TEX2: variants seen among roughly 807,000 people sequenced by gnomAD.
The protein encoded by TEX2 is testis expressed 2, also known as testis-expressed protein 2.
Under a neutral mutation model 106.9 loss-of-function variants are expected in TEX2, and 53 were observed. The ratio of observed to expected loss-of-function variants is 0.50; its 90% CI spans 0.40 to 0.62. The LOEUF (loss-of-function observed/expected upper bound fraction) is 0.62. Ranked by LOEUF, TEX2 falls within the 20% of genes least tolerant of loss-of-function variation. The pLI, the probability that TEX2 is intolerant of heterozygous loss-of-function variation, is 0.00. For synonymous variants in TEX2, 523 were observed against 534.8 expected, an observed-to-expected ratio of 0.98 and a Z score of 0.30; for missense variants, 1,207 against 1,379.0, an observed-to-expected ratio of 0.88 and a Z score of 1.98.
In TEX2 at chr17:64,149,011, G is replaced by A. The variant is rs1298913055; in HGVS notation, c.3342C>T (p.Cys1114=). Residue 1114 remains cysteine (C), a synonymous_variant, in exon 12 of 12, where the codon TGC becomes TGT. Transcript: ENST00000584379. ...HSAMDPRSTS[C]LLKDPPVEAA... is the part of the protein sequence containing the mutation. Reference sequence around the variant, plus strand: ...CCTCCACAGGTGGGTCTTTCAGGAGGCAGGAAGTAGAGCGAGGGTCCATGG... The same window carrying A: ...CCTCCACAGGTGGGTCTTTCAGGAGACAGGAAGTAGAGCGAGGGTCCATGG... The A allele has an allele frequency of 1.2e-6, 2 of 1,614,106 alleles. No homozygotes were observed. The highest frequency in any genetic ancestry group is 2.7e-5 in the African/African-American group (2 of 74,942).
intron 7 of TEX2, among the ~76,000 whole-genome samples, chr17:64,163,555 T>C (rs909545537): frequency 2.0e-5 from 3 of 152,170 alleles, no homozygotes; most frequent in Admixed American, 2.0e-4. Context: ...ATTTTAGCAT[T>C]AAGTGTAGGA....
intron 5 of TEX2, 130 bp downstream of exon 5, chr17:64,188,038 G>T: frequency 9.6e-7 from 1 of 1,043,790 alleles, no homozygotes; most frequent in Non-Finnish European, 1.4e-6. Flanking sequence ...TTCCCCAAAG[G>T]CAGGGTCCTT....
rs537389866 is a variant in TEX2, at chr17:64,182,202, A to G, written c.2425-4731T>C. Among the ~76,000 whole-genome samples, 7 of 152,332 alleles carry G rather than the reference A, an allele frequency of 4.6e-5. No individual in the cohort carries two copies. The South Asian group carries it at 1.5e-3, about 32-fold the overall frequency. On this transcript the variant is annotated intron_variant, in intron 5 of 11. Transcript: ENST00000584379. Reference sequence around the variant, plus strand: ...CACATGGATGAATCTTGAGGTCATTAGGCTAAGTGAAATAAGTCAGTCACA... The same window carrying G: ...CACATGGATGAATCTTGAGGTCATTGGGCTAAGTGAAATAAGTCAGTCACA...
At position 64,212,539 on chromosome 17, in the gene TEX2, T is replaced by A. The variant is rs113946289; in HGVS notation, c.1644+35A>T. On this transcript the variant is annotated intron_variant, in intron 2 of 11. Transcript: ENST00000584379. ...CTAAAATACGGCTGTATGTGAGAAGTGTGTGTACTAGCCAGCTCCCGGGGA... is the reference window on the plus strand; with the variant it reads ...CTAAAATACGGCTGTATGTGAGAAGAGTGTGTACTAGCCAGCTCCCGGGGA... 24 of 1,547,618 alleles carry A rather than the reference T, an allele frequency of 1.6e-5. No homozygotes were observed. In the African/African-American group the frequency reaches 2.7e-4, roughly 18 times the overall value.
intron 6 of TEX2, among the ~76,000 whole-genome samples, chr17:64,174,608 C>T (rs1432150521): frequency 6.6e-6 from 1 of 152,172 alleles, no homozygotes; most frequent in Admixed American, 6.5e-5. Flanking sequence ...CACAGTGAGA[C>T]AGAAATCCAG....
intron 2 of TEX2, among the ~76,000 whole-genome samples, chr17:64,196,982 A>AGTTTTTTTTTT (rs2032491461): frequency 1.6e-5 from 1 of 63,568 alleles, no homozygotes; most frequent in Non-Finnish European, 2.9e-5. Flanking sequence ...TCAAATCAAG[A>AGTTTTTTTTTT]TTTTTTTTTT....
At chr17:64,167,991 G>A (rs575327191) in intron 7 of TEX2, among the ~76,000 whole-genome samples, 1 of 152,138 alleles carries the variant, frequency 6.6e-6, no homozygotes, top group Admixed American at 6.6e-5. Context: ...AACCAGTTGT[G>A]GCCAAAATAT....
At chr17:64,246,258 C>CT (rs781989190) in intron 1 of TEX2, among the ~76,000 whole-genome samples, 1 of 152,076 alleles carries the variant, frequency 6.6e-6, no homozygotes, top group African/African-American at 2.4e-5. Context: ...CAGTGTTGTC[C>CT]TTTTTTTGAC....
intron 7 of TEX2, among the ~76,000 whole-genome samples, chr17:64,163,187 C>T (rs992574781): frequency 1.3e-5 from 2 of 152,160 alleles, no homozygotes; most frequent in Non-Finnish European, 2.9e-5. Flanking sequence ...CCACCTGGTA[C>T]GATCTTGGCT....
chr17:64,233,589 A>T (rs1306690155), intron 1 of TEX2, among the ~76,000 whole-genome samples: 4 of 152,204 alleles, frequency 2.6e-5, no homozygotes, highest in African/African-American at 7.2e-5. Flanking sequence ...CAAACAAACA[A>T]ACAAAAACAC....
At chr17:64,197,451 G>A (rs2143930255) in intron 2 of TEX2, among the ~76,000 whole-genome samples, 1 of 152,232 alleles carries the variant, frequency 6.6e-6, no homozygotes, top group South Asian at 2.1e-4. Context: ...TATCTGTAGT[G>A]TCTATGGTGA....
intron 9 of TEX2, 123 bp downstream of exon 9, chr17:64,154,719 A>C: frequency 1.6e-6 from 2 of 1,231,982 alleles, no homozygotes; most frequent in Non-Finnish European, 2.2e-6. Flanking sequence ...TAATAAAAAA[A>C]CCATCTACTC....
chr17:64,170,622 CTT>C lies in TEX2; in HGVS notation c.2671+476_2671+477del, dbSNP rs71156002. Reference sequence around the variant, plus strand: ...ATGGGAGCTTGGATCTATTCCAAATCTTTTTTTTTTTTTTTTTTTTTTTTTGT... The same window carrying C: ...ATGGGAGCTTGGATCTATTCCAAATCTTTTTTTTTTTTTTTTTTTTTTTGT... On this transcript the variant is annotated intron_variant, in intron 7 of 11. Coordinates refer to ENST00000584379, the MANE Select transcript of TEX2 (RefSeq NM_001288732.2). 2.7e-3 allele frequency among the ~76,000 whole-genome samples: 196 copies of C among 73,704 alleles called. 1 individual carries two copies. The highest frequency in any genetic ancestry group is 0.01 in the African/African-American group (187 of 17,976). The allele number at this position is 73,704 out of a possible 152,430, so 48.4% of individuals were successfully genotyped here.
intron 1 of TEX2, among the ~76,000 whole-genome samples, chr17:64,222,912 A>G (rs376174470): frequency 6.6e-6 from 1 of 152,162 alleles, no homozygotes; most frequent in African/African-American, 2.4e-5. Flanking sequence ...AGAAAGCAGG[A>G]TGTCTCAAAC....
Position 64,213,407 on chromosome 17 carries a change from G to A in TEX2, c.811C>T (p.Pro271Ser). 1 of 1,614,076 alleles carries A rather than the reference G, an allele frequency of 6.2e-7. No homozygotes were observed. Among genetic ancestry groups the A allele is most frequent in the Non-Finnish European group, 8.5e-7 (1 of 1,180,048 alleles). The change falls in exon 2 of 12, where the codon CCC (proline) becomes TCC (serine). Residue 271 changes from proline to serine, a missense_variant. Coordinates refer to ENST00000584379, the MANE Select transcript of TEX2 (RefSeq NM_001288732.2). This position sits in a 1 kb window ranked among gnomAD's most constrained non-coding sequence, Gnocchi z 4.4. ...KTAPSSPLTS[P>S]SDTRSFFKVP... ...TTAAAAAAGGAACGAGTATCAGAGG[G>A]AGAAGTCAGTGGGGAAGAAGGTGCA... is the stretch of plus-strand genomic sequence containing the variant.
At chr17:64,232,933 C>T (rs2033689128) in intron 1 of TEX2, among the ~76,000 whole-genome samples, 1 of 152,206 alleles carries the variant, frequency 6.6e-6, no homozygotes, top group African/African-American at 2.4e-5. Flanking sequence ...GACAACTGAT[C>T]ATCCCTAATC....
rs1434312515 is a variant in TEX2 at position 64,205,769 on chromosome 17, A to G, written c.1644+6805T>C. On this transcript the variant is annotated intron_variant, in intron 2 of 11. Coordinates refer to ENST00000584379, the MANE Select transcript of TEX2 (RefSeq NM_001288732.2). This position sits in a 1 kb window ranked among gnomAD's most constrained non-coding sequence, Gnocchi z 4.0. Reference sequence around the variant, plus strand: ...ATGTGACACAATCTAAAGAAAAAAAAGTTCTCCAAAATCCATTTCTATTAG... The same window carrying G: ...ATGTGACACAATCTAAAGAAAAAAAGGTTCTCCAAAATCCATTTCTATTAG... 2.6e-5 allele frequency among the ~76,000 whole-genome samples: 4 copies of G among 152,188 alleles called. No homozygotes were observed. The highest frequency in any genetic ancestry group is 5.9e-5 in the Non-Finnish European group (4 of 68,034).
intron 5 of TEX2, among the ~76,000 whole-genome samples, chr17:64,180,450 CCA>C (rs527401230): frequency 1.3e-5 from 2 of 152,184 alleles, no homozygotes; most frequent in Non-Finnish European, 2.9e-5. Context: ...AAGCTTCTCT[CCA>C]CAGACTCATT....
intron 3 of TEX2, among the ~76,000 whole-genome samples, chr17:64,194,524 C>T (rs562733256): frequency 4.9e-5 from 5 of 101,886 alleles, no homozygotes; most frequent in Admixed American, 1.3e-4. Context: ...AGTTAAGTAC[C>T]GCAGAATCAC....
Sources: gnomAD v4.1 joint callset for allele counts (sites outside exome capture counted in the v4.1 genomes callset) on GRCh38, gnomAD v4.1.1 for gene constraint, Gnocchi (gnomAD v3.1) non-coding constraint, MANE v1.5 for transcripts, NCBI Gene and HGNC (gene_info 2026-07-23, HGNC 2026-07-21) for gene names.